TLK1: variants seen among roughly 807,000 people sequenced by gnomAD.
TLK1 encodes serine/threonine-protein kinase tousled-like 1.
A neutral mutation model predicts 105.3 loss-of-function variants in TLK1; 24 were observed. That is an observed-to-expected ratio of 0.23 (90% CI 0.17 to 0.32). The LOEUF (loss-of-function observed/expected upper bound fraction) is 0.32. Ranked by LOEUF, TLK1 falls within the 10% of genes least tolerant of loss-of-function variation. The pLI, the probability that TLK1 is intolerant of heterozygous loss-of-function variation, is 1.00. For synonymous variants in TLK1, 321 were observed against 310.4 expected, an observed-to-expected ratio of 1.03 and a Z score of -0.36; for missense variants, 558 against 910.5, an observed-to-expected ratio of 0.61 and a Z score of 4.98.
intron 10 of TLK1, among the ~76,000 whole-genome samples, chr2:171,048,786 A>T (rs1687084128): frequency 6.6e-6 from 1 of 152,220 alleles, no homozygotes; most frequent in Admixed American, 6.5e-5. Context: ...TGTTGGTGTG[A>T]TACCATGTGA....
At chr2:171,177,165 A>ACCT (rs1692845524) in intron 1 of TLK1, among the ~76,000 whole-genome samples, 1 of 146,182 alleles carries the variant, frequency 6.8e-6, no homozygotes, top group African/African-American at 2.6e-5. Context: ...TTTTTGAGAC[A>ACCT]GGGTCTCACT....
chr2:171,124,688 A>G (rs978683435), intron 1 of TLK1, among the ~76,000 whole-genome samples: 21 of 152,250 alleles, frequency 1.4e-4, no homozygotes, highest in Non-Finnish European at 1.8e-4. Context: ...AAGCTTTGTA[A>G]ATTACTCCAA....
At chr2:170,997,904 A>C in intron 18 of TLK1, 81 bp from the exon 19 acceptor site, 1 of 812,758 alleles carries the variant, frequency 1.2e-6, no homozygotes, top group Non-Finnish European at 1.9e-6. Flanking sequence ...ATCTTAGAAC[A>C]CGAATTTTAT....
At chr2:171,035,170 G>A (rs1008349536) in intron 11 of TLK1, among the ~76,000 whole-genome samples, 17 of 152,010 alleles carry the variant, frequency 1.1e-4, no homozygotes, top group South Asian at 8.3e-4. Flanking sequence ...GTGAAACCTC[G>A]TCTCTACTAA....
intron 11 of TLK1, among the ~76,000 whole-genome samples, chr2:171,041,361 T>TA (rs1241743764): frequency 1.3e-5 from 2 of 152,202 alleles, no homozygotes; most frequent in Non-Finnish European, 2.9e-5. Flanking sequence ...CTGGGAGAGT[T>TA]AAATTTGGAA....
chr2:171,021,940 A>AT (rs1371618087), intron 12 of TLK1, among the ~76,000 whole-genome samples: 1 of 151,934 alleles, frequency 6.6e-6, no homozygotes, highest in South Asian at 2.1e-4. Context: ...TCTACTAAAA[A>AT]ATATATATAA....
At chr2:171,043,292 G>A (rs188134406) in intron 11 of TLK1, among the ~76,000 whole-genome samples, 3 of 152,230 alleles carry the variant, frequency 2.0e-5, no homozygotes, top group Non-Finnish European at 4.4e-5. Context: ...GATAACTACC[G>A]TGGGACTTAA....
intron 12 of TLK1, among the ~76,000 whole-genome samples, chr2:171,015,731 ACCCAC>A (rs1685168803): frequency 5.5e-4 from 2 of 3,636 alleles, no homozygotes; most frequent in Non-Finnish European, 1.1e-3. Flanking sequence ...ACACACACAC[ACCCAC>A]CCCTTTTTTG....
intron 1 of TLK1, among the ~76,000 whole-genome samples, chr2:171,201,268 A>T (rs1274497175): frequency 6.6e-6 from 1 of 152,190 alleles, no homozygotes; most frequent in Non-Finnish European, 1.5e-5. Flanking sequence ...GTTTGAGATT[A>T]ATTTTAAATT....
At chr2:171,015,044 A>G (rs1248112299) in intron 12 of TLK1, 96 bp from the exon 13 acceptor site, 1 of 886,256 alleles carries the variant, frequency 1.1e-6, no homozygotes, top group Non-Finnish European at 1.8e-6. Flanking sequence ...AGTGATGGGA[A>G]GAATAGTATA....
intron 2 of TLK1, among the ~76,000 whole-genome samples, chr2:171,114,708 A>G (rs1575605145): frequency 6.6e-6 from 1 of 152,054 alleles, no homozygotes; most frequent in Non-Finnish European, 1.5e-5. Context: ...GGTGGCACGC[A>G]CCTGTACTGC....
intron 6 of TLK1, among the ~76,000 whole-genome samples, chr2:171,055,804 A>T (rs1687473861): frequency 6.6e-6 from 1 of 150,994 alleles, no homozygotes; most frequent in South Asian, 2.1e-4. Context: ...GACACAAGAC[A>T]TAAAAACAAG....
chr2:171,216,668 A>AAGT (rs908242736), intron 1 of TLK1, among the ~76,000 whole-genome samples: 78 of 152,264 alleles, frequency 5.1e-4, no homozygotes, highest in African/African-American at 1.7e-3. Context: ...CCTTATTTAG[A>AAGT]AGTAGGGCCA....
chr2:171,052,691 A>G (rs980244353), intron 8 of TLK1, among the ~76,000 whole-genome samples: 2 of 152,248 alleles, frequency 1.3e-5, no homozygotes, highest in African/African-American at 4.8e-5. Flanking sequence ...ATTTAATACA[A>G]CCATAAAGAA....
At chr2:171,168,466 C>A (rs1391120903) in intron 1 of TLK1, among the ~76,000 whole-genome samples, 1 of 152,078 alleles carries the variant, frequency 6.6e-6, no homozygotes, top group Non-Finnish European at 1.5e-5. Flanking sequence ...TTTCATGATC[C>A]AGGTGCTGAT....
At chr2:171,151,722 G>A (rs1306731843) in intron 1 of TLK1, among the ~76,000 whole-genome samples, 6 of 151,618 alleles carry the variant, frequency 4.0e-5, no homozygotes, top group Non-Finnish European at 5.9e-5. Flanking sequence ...TGATCCGCCC[G>A]CCTCAGCCTC....
chr2:171,148,142 G>T (rs943048719), intron 1 of TLK1, among the ~76,000 whole-genome samples: 1 of 151,984 alleles, frequency 6.6e-6, no homozygotes, highest in African/African-American at 2.4e-5. Flanking sequence ...CGCCCACCTC[G>T]GCCTCCCCAA....
chr2:171,183,952 A>G (rs146990132), intron 1 of TLK1, among the ~76,000 whole-genome samples: 141 of 152,324 alleles, frequency 9.3e-4, no homozygotes, highest in African/African-American at 3.1e-3. Flanking sequence ...CTTACATAGC[A>G]TAAGAGATTT....
chr2:170,997,563 T>A (rs1320942182), intron 19 of TLK1, 149 bp downstream of exon 19: 1 of 474,386 alleles, frequency 2.1e-6, no homozygotes, highest in Non-Finnish European at 3.7e-6. Context: ...TTCTGATCCA[T>A]GGAAATTTTA....
Sources: allele counts gnomAD v4.1 joint callset (sites outside exome capture counted in the v4.1 genomes callset), GRCh38; gene constraint gnomAD v4.1.1; transcripts MANE v1.5; gene names NCBI Gene and HGNC (gene_info 2026-07-23, HGNC 2026-07-21).